Variants in NR3C2 observed in about 807,000 individuals in gnomAD.
NR3C2 encodes the protein nuclear receptor subfamily 3 group C member 2.
Under a neutral mutation model 86.4 loss-of-function variants are expected in NR3C2, and 15 were observed. The ratio of observed to expected loss-of-function variants is 0.17; its 90% CI spans 0.12 to 0.27. The LOEUF (loss-of-function observed/expected upper bound fraction) is 0.27. NR3C2 is among the 10% of genes least tolerant of loss of function. The pLI is 1.00. For synonymous variants in NR3C2, 458 were observed against 450.5 expected, an observed-to-expected ratio of 1.02 and a Z score of -0.21; for missense variants, 960 against 1,195.6, an observed-to-expected ratio of 0.80 and a Z score of 2.91.
rs190857340 is a variant in NR3C2, at chr4:148,333,615, A to G, written c.1758-73498T>C. Among the ~76,000 whole-genome samples the G allele has an allele frequency of 4.0e-3, 616 of 152,292 alleles. 14 individuals carry two copies. The highest frequency in any genetic ancestry group is 6.8e-4 in the Non-Finnish European group (46 of 68,038). On this transcript the variant is annotated intron_variant, in intron 2 of 8. Transcript: ENST00000358102. The stretch of plus-strand genomic sequence containing the variant: ...AAGATTATGCCAAGTCCCACATGCT[A>G]GTCCCACACAGTCACCTCCTAGGTT...
chr4:148,374,996 G>C (rs1746600045), intron 2 of NR3C2, among the ~76,000 whole-genome samples: 1 of 152,148 alleles, frequency 6.6e-6, no homozygotes, highest in South Asian at 2.1e-4. Flanking sequence ...AAATGAAAAA[G>C]TAAATATGTT....
chr4:148,135,874 G>C (rs966654644), intron 6 of NR3C2, among the ~76,000 whole-genome samples: 1 of 150,246 alleles, frequency 6.7e-6, no homozygotes, highest in African/African-American at 2.4e-5. Flanking sequence ...GGCTAAAAAC[G>C]GTGAAACCCC....
At chr4:148,429,725 C>T (rs894991652) in intron 2 of NR3C2, among the ~76,000 whole-genome samples, 2 of 152,202 alleles carry the variant, frequency 1.3e-5, no homozygotes, top group East Asian at 1.9e-4. Flanking sequence ...AATGAAGACG[C>T]TATCCATTTA....
At chr4:148,309,828 T>C (rs1742820777) in intron 2 of NR3C2, among the ~76,000 whole-genome samples, 1 of 152,226 alleles carries the variant, frequency 6.6e-6, no homozygotes, top group African/African-American at 2.4e-5. Flanking sequence ...ATTATTTGAC[T>C]CCTTATTTAT....
chr4:148,271,174 T>C (rs72655251), intron 2 of NR3C2, among the ~76,000 whole-genome samples: 74 of 152,324 alleles, frequency 4.9e-4, no homozygotes, highest in Admixed American at 1.5e-3. Flanking sequence ...CTCCACGAAT[T>C]TGAGCTGTTA....
intron 2 of NR3C2, among the ~76,000 whole-genome samples, chr4:148,367,205 T>A (rs1016021095): frequency 3.3e-5 from 5 of 152,156 alleles, no homozygotes; most frequent in African/African-American, 1.2e-4. Flanking sequence ...GGATTTGTCA[T>A]GAGATTGTGT....
At chr4:148,362,066 T>C (rs1360401632) in intron 2 of NR3C2, among the ~76,000 whole-genome samples, 2 of 152,120 alleles carry the variant, frequency 1.3e-5, no homozygotes, top group African/African-American at 2.4e-5. Context: ...TCAAATTCCT[T>C]ACCTCAAGTG....
At position 148,435,498 on chromosome 4, in the gene NR3C2, C is replaced by T. The variant is rs375627544; in HGVS notation, c.1363G>A (p.Gly455Ser). 4 of 1,614,042 alleles carry T rather than the reference C, an allele frequency of 2.5e-6. No individual in the cohort carries two copies. In the African/African-American group the frequency reaches 5.3e-5, roughly 22 times the overall value. Residue 455 changes from glycine (G) to serine (S), a missense_variant, in exon 2 of 9, where the codon GGC (glycine) becomes AGC (serine). Physicochemically the swap from Gly to Ser is moderately conservative, Grantham distance 56. Around this residue, in one of 4 missense-constraint regions of NR3C2, gnomAD observed 680 missense variants for 719.0 expected, o/e 0.95. Transcript: ENST00000358102. ...TCATCCATAAAGGAAAAATACGAGC[C>T]ATCCATAAATGGAAACGGGTTTACT... ...PTVNPFPFMDGSYFSFMDDKD... is the reference protein window; with the variant it reads ...PTVNPFPFMDSSYFSFMDDKD...
chr4:148,119,857 T>G (rs372969117), intron 7 of NR3C2, among the ~76,000 whole-genome samples: 4 of 152,178 alleles, frequency 2.6e-5, no homozygotes, highest in African/African-American at 9.7e-5. Flanking sequence ...TGTGCTTCAT[T>G]AACCCTTGTG....
intron 4 of NR3C2, among the ~76,000 whole-genome samples, chr4:148,176,141 A>G (rs932452591): frequency 6.6e-6 from 1 of 152,228 alleles, no homozygotes; most frequent in Non-Finnish European, 1.5e-5. Flanking sequence ...GCTGCTAGAA[A>G]GAGGTTACCC....
chr4:148,279,934 A>C (rs984802301), intron 2 of NR3C2, among the ~76,000 whole-genome samples: 2 of 152,172 alleles, frequency 1.3e-5, no homozygotes, highest in East Asian at 3.9e-4. Context: ...CATGTTGGCC[A>C]GGCTGGTCTT....
chr4:148,111,529 T>G (rs961254968), intron 8 of NR3C2, among the ~76,000 whole-genome samples: 1 of 152,196 alleles, frequency 6.6e-6, no homozygotes, highest in Admixed American at 6.5e-5. Flanking sequence ...TACATAAAGG[T>G]TCAGCATGGC....
At chr4:148,212,880 A>C (rs1197836263) in intron 3 of NR3C2, among the ~76,000 whole-genome samples, 1 of 152,204 alleles carries the variant, frequency 6.6e-6, no homozygotes, top group Non-Finnish European at 1.5e-5. Flanking sequence ...GTGCAGATGA[A>C]GGTTCGTAAT....
chr4:148,134,639 CTCTCTTTT>C (rs1220902080), intron 6 of NR3C2, among the ~76,000 whole-genome samples: 3 of 58,056 alleles, frequency 5.2e-5, no homozygotes, highest in Admixed American at 1.7e-4. Flanking sequence ...CTCTCTCTCT[CTCTCTTTT>C]TTTTTTTTTT....
chr4:148,334,777 G>T (rs1407718049), intron 2 of NR3C2, among the ~76,000 whole-genome samples: 2 of 152,162 alleles, frequency 1.3e-5, no homozygotes, highest in Admixed American at 6.5e-5. Context: ...TTAAACTACA[G>T]GAGAATTTAT....
intron 6 of NR3C2, among the ~76,000 whole-genome samples, chr4:148,124,766 A>G (rs892983956): frequency 1.3e-5 from 2 of 151,928 alleles, no homozygotes; most frequent in African/African-American, 2.4e-5. Flanking sequence ...CCTCTCTTTC[A>G]TATCTTCTCA....
intron 6 of NR3C2, among the ~76,000 whole-genome samples, chr4:148,150,387 C>A (rs1734050443): frequency 6.6e-6 from 1 of 152,144 alleles, no homozygotes. Flanking sequence ...CTATAGCCAG[C>A]AGAACCATAA....
chr4:148,330,494 C>A (rs17621119), intron 2 of NR3C2, among the ~76,000 whole-genome samples: 43,767 of 150,928 alleles, frequency 0.29, 7,574 homozygotes, highest in East Asian at 0.59. Context: ...CAAGCAGGGG[C>A]AACCCAATTT....
At chr4:148,136,073 A>AAAC (rs1733312182) in intron 6 of NR3C2, among the ~76,000 whole-genome samples, 1 of 45,790 alleles carries the variant, frequency 2.2e-5, no homozygotes, top group Non-Finnish European at 6.6e-5. Context: ...AAAAAAAAAA[A>AAAC]AAACAAAAAA....
Sources: allele counts gnomAD v4.1 joint callset (sites outside exome capture counted in the v4.1 genomes callset), GRCh38; gene constraint gnomAD v4.1.1; regional missense constraint gnomAD v4.1.1; transcripts MANE v1.5; gene names NCBI Gene and HGNC (gene_info 2026-07-23, HGNC 2026-07-21).